PREPL: variants seen among roughly 807,000 people sequenced by gnomAD.
PREPL encodes prolyl endopeptidase-like.
In PREPL, 77 loss-of-function variants were observed where a neutral mutation model predicts 70.6. That is an observed-to-expected ratio of 1.09 (90% confidence interval 0.91 to 1.32). The LOEUF (loss-of-function observed/expected upper bound fraction) is 1.32, where lower values mean the gene tolerates loss of function less well. Among genes scored for constraint, PREPL ranks in the 40% most tolerant of loss-of-function variants. PREPL has a pLI of 0.00. For missense variants in PREPL, 1,002 were observed against 778.2 expected (o/e 1.29, Z -3.42); for synonymous variants, 315 against 264.8 (o/e 1.19, Z -1.84).
chr2:44,343,756 A>G lies in PREPL; in HGVS notation c.338T>C (p.Val113Ala). The G allele has an allele frequency of 6.2e-7, 1 of 1,613,352 alleles. No homozygotes were observed. Among genetic ancestry groups the G allele is most frequent in the Non-Finnish European group, 8.5e-7 (1 of 1,179,274 alleles). The change falls in exon 4 of 14, where the codon GTG (valine) becomes GCG (alanine). Residue 113 changes from valine to alanine, a missense_variant. Val to Ala is a moderately conservative substitution (Grantham distance 64). Transcript: ENST00000409411. ...GGTTGGTGGCTTACCAAAACTGGAC[A>G]CATTCGGGAAAGAAGCTTCCATTAC... is the stretch of plus-strand genomic sequence containing the variant. Reference protein sequence around the residue: ...QPVMEASFPNVSSFEWVKDEE... With the variant: ...QPVMEASFPNASSFEWVKDEE...
chr2:44,355,073 A>G (rs1270423120), intron 1 of PREPL, among the ~76,000 whole-genome samples: 1 of 152,168 alleles, frequency 6.6e-6, no homozygotes, highest in African/African-American at 2.4e-5. Flanking sequence ...AACATCTACT[A>G]ATTGGGATAA....
At position 44,317,973 on chromosome 2, in the gene PREPL, T is replaced by C. The variant is rs7602693; in HGVS notation, c.*3383A>G. The C allele has an allele frequency of 3.7e-6, 1 of 272,768 alleles. No homozygotes were observed. The highest frequency in any genetic ancestry group is 2.9e-5 in the South Asian group (1 of 33,964). 16.9% of individuals were successfully genotyped at this position (272,768 alleles called of 1,614,324 possible). The stretch of plus-strand genomic sequence containing the variant: ...ATATAGCAAGCAAATAATAGAAAGC[T>C]TGCAACCCAGCTATAGCTATAAACA... On this transcript the variant is annotated 3_prime_UTR_variant, in exon 14 of 14. Coordinates refer to ENST00000409411, the MANE Select transcript of PREPL (RefSeq NM_001171613.2).
At chr2:44,322,090 G>C (rs2241869) in intron 12 of PREPL, among the ~76,000 whole-genome samples, 190 bp from the exon 13 acceptor site, 1 of 151,894 alleles carries the variant, frequency 6.6e-6, no homozygotes, top group South Asian at 2.1e-4. Context: ...CTGACACAGC[G>C]AAAGCAGGAA....
chr2:44,359,605 A>G, intron 1 of PREPL: 1 of 1,611,492 alleles, frequency 6.2e-7, no homozygotes, highest in Non-Finnish European at 8.5e-7. Flanking sequence ...TTCTATTGTA[A>G]CAATGATCAG....
At position 44,320,403 on chromosome 2, in the gene PREPL, CATA is replaced by C. The variant is rs1672827519; in HGVS notation, c.*950_*952del. 1.2e-6 allele frequency: 2 copies of C among 1,613,992 alleles called. No individual in the cohort carries two copies. Among genetic ancestry groups the C allele is most frequent in the East Asian group, 2.2e-5 (1 of 44,884 alleles). On this transcript the variant is annotated 3_prime_UTR_variant, in exon 14 of 14. Coordinates refer to ENST00000409411, the MANE Select transcript of PREPL (RefSeq NM_001171613.2). ...TGGAGAATCAACACTGTTAAATCTA[CATA>C]ATATGATTTCGGGCCTTCCCGCTAA...
Position 44,357,521 on chromosome 2 carries a change from G to A in PREPL, c.-49+3859C>T, listed in dbSNP as rs1448100708. Among the ~76,000 whole-genome samples, 13 of 152,138 alleles carry A rather than the reference G, an allele frequency of 8.5e-5. 1 individual carries two copies. The highest frequency in any genetic ancestry group is 1.9e-4 in the Non-Finnish European group (13 of 68,042). ...ATGTGACAGCAGGATTACTTTATCA[G>A]GTAAAGGAATTACTAAATGAACTAT... On this transcript the variant is annotated intron_variant, in intron 1 of 13. Transcript: ENST00000409411.
rs202213424 is a variant in PREPL at position 44,359,514 on chromosome 2, G to A, written c.-49+1866C>T. On this transcript the variant is annotated intron_variant, in intron 1 of 13. Transcript: ENST00000409411. Reference sequence around the variant, plus strand: ...GTCCATACCTTACATGAGAAGCTCCGACTTGGGATGTTTCTTGCTAACTCT... The same window carrying A: ...GTCCATACCTTACATGAGAAGCTCCAACTTGGGATGTTTCTTGCTAACTCT... 7.7e-5 allele frequency: 124 copies of A among 1,610,454 alleles called. No homozygotes were observed. In the East Asian group the frequency reaches 1.5e-3, roughly 19 times the overall value.
At position 44,331,946 on chromosome 2, in the gene PREPL, C is replaced by CT. The variant is rs35003986; in HGVS notation, c.1086+512dup. Among the ~76,000 whole-genome samples, 367 of 121,676 alleles carry CT rather than the reference C, an allele frequency of 3.0e-3. 1 individual carries two copies. Among genetic ancestry groups the CT allele is most frequent in the Non-Finnish European group, 4.1e-3 (235 of 57,394 alleles). The allele number at this position is 121,676 out of a possible 152,430, so 79.8% of individuals were successfully genotyped here. On this transcript the variant is annotated intron_variant, in intron 8 of 13. Transcript: ENST00000409411. ...AAAAGTTTGACATGCTATAAATTTT[C>CT]TTTTTTTTTTTTTTTTTTGAGACGG...
intron 5 of PREPL, among the ~76,000 whole-genome samples, chr2:44,339,611 G>A (rs547025260): frequency 6.6e-6 from 1 of 152,134 alleles, no homozygotes; most frequent in East Asian, 1.9e-4. Flanking sequence ...CAAAAATACA[G>A]AAAAGTTGAA....
chr2:44,346,785 C>T (rs989588558), intron 1 of PREPL, among the ~76,000 whole-genome samples: 5 of 151,686 alleles, frequency 3.3e-5, no homozygotes, highest in African/African-American at 2.4e-5. Context: ...AAATCTTTCG[C>T]GTTTAGGAAG....
At chr2:44,359,507 A>G in intron 1 of PREPL, 1 of 1,607,388 alleles carries the variant, frequency 6.2e-7, no homozygotes, top group Non-Finnish European at 8.5e-7. Flanking sequence ...CTTACATGAG[A>G]AGCTCCGACT....
intron 5 of PREPL, among the ~76,000 whole-genome samples, chr2:44,341,555 T>G (rs7596887): frequency 0.074 from 11,273 of 152,096 alleles, 528 homozygotes; most frequent in South Asian, 0.14. Flanking sequence ...CAAATAGTTG[T>G]TAGATATGTG....
rs975660517 is a variant in PREPL at position 44,320,147 on chromosome 2, C to A, written c.*1209G>T. 4 of 1,465,452 alleles carry A rather than the reference C, an allele frequency of 2.7e-6. No homozygotes were observed. Among genetic ancestry groups the A allele is most frequent in the East Asian group, 2.4e-5 (1 of 42,306 alleles). 90.8% of individuals were successfully genotyped at this position (1,465,452 alleles called of 1,614,324 possible). A position where few individuals can be genotyped will look rare whatever the true frequency, so the allele number is the denominator to read the frequency against. On this transcript the variant is annotated 3_prime_UTR_variant, in exon 14 of 14. Transcript: ENST00000409411. ...CCTTACAATATATTAAAAATACTTA[C>A]AAACAATTCTTAGAATCAAACACTT...
rs978959156 is a variant in PREPL at position 44,321,069 on chromosome 2, G to A, written c.*287C>T. Reference sequence around the variant, plus strand: ...GCTCAACTGTTCTGACTGGAAGGGAGGCCTGGAGCTCTGCTATCACCAATC... The same window carrying A: ...GCTCAACTGTTCTGACTGGAAGGGAAGCCTGGAGCTCTGCTATCACCAATC... On this transcript the variant is annotated 3_prime_UTR_variant, in exon 14 of 14. Transcript: ENST00000409411. 4.8e-6 allele frequency: 2 copies of A among 417,314 alleles called. No homozygotes were observed. Among genetic ancestry groups the A allele is most frequent in the East Asian group, 4.7e-5 (1 of 21,240 alleles). The allele number at this position is 417,314 out of a possible 1,614,324, so 25.9% of individuals were successfully genotyped here. A position where few individuals can be genotyped will look rare whatever the true frequency, so the allele number is the denominator to read the frequency against.
chr2:44,317,951 TAGCA>T lies in PREPL; in HGVS notation c.*3401_*3404del, dbSNP rs958675454. On this transcript the variant is annotated 3_prime_UTR_variant, in exon 14 of 14. Transcript: ENST00000409411. ...AACACAAAGAATTAAAATGAAGATA[TAGCA>T]AGCAAATAATAGAAAGCTTGCAACC... 4.5e-5 allele frequency: 12 copies of T among 264,894 alleles called. 1 individual carries two copies. The highest frequency in any genetic ancestry group is 1.7e-4 in the African/African-American group (7 of 42,364). 16.4% of individuals were successfully genotyped at this position (264,894 alleles called of 1,614,324 possible).
chr2:44,337,379 A>G (rs4953088), intron 7 of PREPL, among the ~76,000 whole-genome samples: 113,206 of 152,072 alleles, frequency 0.74, 43,080 homozygotes, highest in African/African-American at 0.85. Flanking sequence ...CTTAACCTTT[A>G]TGTACTAGTT....
intron 1 of PREPL, among the ~76,000 whole-genome samples, chr2:44,353,428 T>TA (rs913484260): frequency 1.9e-4 from 28 of 148,008 alleles, no homozygotes; most frequent in Middle Eastern, 3.4e-3. Context: ...CTACTAAAAA[T>TA]AAAAAAAAAA....
chr2:44,332,490 C>G lies in PREPL; in HGVS notation c.1055G>C (p.Ser352Thr), dbSNP rs182129466. 36 of 1,614,072 alleles carry G rather than the reference C, an allele frequency of 2.2e-5. No homozygotes were observed. The Admixed American group carries it at 4.0e-4, about 18-fold the overall frequency. Residue 352 changes from serine to threonine, a missense_variant, in exon 8 of 14, where the codon AGT (serine) becomes ACT (threonine). By Grantham distance (58) the Ser-to-Thr change is moderately conservative (BLOSUM62 1). Transcript: ENST00000409411. Reference protein sequence around the residue: ...TGHEDPITKTSRVLRLEAKSK... With the variant: ...TGHEDPITKTTRVLRLEAKSK... ...TTTGGCTTCTAGACGTAAAACGCGA[C>G]TAGTCTTTGTGATTGGGTCTTCATG... is the stretch of plus-strand genomic sequence containing the variant.
At chr2:44,332,387 C>T (rs1674205561) in intron 8 of PREPL, 72 bp downstream of exon 8, 5 of 1,339,716 alleles carry the variant, frequency 3.7e-6, no homozygotes, top group Non-Finnish European at 3.2e-6. Context: ...GTAACTCCAA[C>T]AACTGCATGG....
Sources: gnomAD v4.1 joint callset for allele counts (sites outside exome capture counted in the v4.1 genomes callset) on GRCh38, gnomAD v4.1.1 for gene constraint, MANE v1.5 for transcripts, NCBI Gene and HGNC (gene_info 2026-07-23, HGNC 2026-07-21) for gene names.